GPR149: variants seen among roughly 807,000 people sequenced by gnomAD.
GPR149 encodes probable G protein-coupled receptor 149.
In GPR149, 50 loss-of-function variants were observed where a neutral mutation model predicts 50.2. The ratio of observed to expected loss-of-function variants is 1.00; its 90% CI spans 0.79 to 1.26. The LOEUF is 1.26. Ranked by LOEUF, GPR149 falls within the 50% of genes most tolerant of loss-of-function variation. The probability of loss-of-function intolerance (pLI) is 0.00; values close to 1 mark genes in which losing one functional copy is unlikely to be tolerated. For missense variants in GPR149, 983 were observed against 895.4 expected, an observed-to-expected ratio of 1.10 and a Z score of -1.25; for synonymous variants, 405 against 358.2, an observed-to-expected ratio of 1.13 and a Z score of -1.48.
chr3:154,383,882 C>G (rs544840288), intron 3 of GPR149, among the ~76,000 whole-genome samples: 2 of 152,012 alleles, frequency 1.3e-5, no homozygotes, highest in Non-Finnish European at 2.9e-5. Context: ...TACCATGCGA[C>G]GACACAGTGA....
chr3:154,414,548 C>A (rs1037990931), intron 3 of GPR149, among the ~76,000 whole-genome samples: 1 of 151,838 alleles, frequency 6.6e-6, no homozygotes, highest in Non-Finnish European at 1.5e-5. Flanking sequence ...TGTCTCTCCA[C>A]AAGACACTTA....
At chr3:154,339,667 A>G (rs1713740261) in intron 3 of GPR149, among the ~76,000 whole-genome samples, 2 of 152,054 alleles carry the variant, frequency 1.3e-5, no homozygotes, top group South Asian at 4.1e-4. Flanking sequence ...TGGACCCAAC[A>G]GTGGCTAGAC....
chr3:154,416,859 A>G (rs1712004839), intron 3 of GPR149, among the ~76,000 whole-genome samples: 1 of 151,980 alleles, frequency 6.6e-6, no homozygotes, highest in Non-Finnish European at 1.5e-5. Flanking sequence ...AGGACCTTGC[A>G]CCTTACAGAT....
intron 3 of GPR149, among the ~76,000 whole-genome samples, chr3:154,355,413 C>T (rs112672076): frequency 0.056 from 8,516 of 152,290 alleles, 327 homozygotes; most frequent in South Asian, 0.085. Flanking sequence ...ACAATCATCA[C>T]AGACTGCAAT....
intron 3 of GPR149, among the ~76,000 whole-genome samples, chr3:154,355,615 A>G (rs983441501): frequency 6.6e-6 from 1 of 152,254 alleles, no homozygotes; most frequent in Non-Finnish European, 1.5e-5. Context: ...CTAACAAAAT[A>G]AAAGAGGATA....
intron 3 of GPR149, among the ~76,000 whole-genome samples, chr3:154,418,288 C>T (rs1183851585): frequency 9.7e-6 from 1 of 102,762 alleles, no homozygotes; most frequent in Non-Finnish European, 2.0e-5. Flanking sequence ...CTAGAAATAC[C>T]ATTTGACCCA....
chr3:154,352,264 G>A, intron 3 of GPR149: 2 of 842,996 alleles, frequency 2.4e-6, no homozygotes, highest in East Asian at 5.0e-5. Flanking sequence ...CCACCAGATG[G>A]ACCACCTGAC....
chr3:154,374,101 A>G (rs896354841), intron 3 of GPR149, among the ~76,000 whole-genome samples: 5 of 151,754 alleles, frequency 3.3e-5, no homozygotes, highest in African/African-American at 1.2e-4. Flanking sequence ...GAGCTCAATC[A>G]TATATCTGAA....
intron 3 of GPR149, among the ~76,000 whole-genome samples, chr3:154,343,532 T>C (rs1171102946): frequency 1.3e-5 from 2 of 152,056 alleles, no homozygotes; most frequent in Non-Finnish European, 2.9e-5. Context: ...GGAGTATGTG[T>C]TGGGGTTTGT....
chr3:154,340,557 T>C (rs1231155948), intron 3 of GPR149, among the ~76,000 whole-genome samples: 1 of 152,192 alleles, frequency 6.6e-6, no homozygotes, highest in East Asian at 1.9e-4. Flanking sequence ...CCACAGATGA[T>C]TGGATGTAAA....
rs144635791 is a variant in GPR149 at position 154,368,588 on chromosome 3, G to A, written c.1624-30317C>T. Among the ~76,000 whole-genome samples, 185 of 152,308 alleles carry A rather than the reference G, an allele frequency of 1.2e-3. 2 individuals carry two copies. In the East Asian group the frequency reaches 0.03, roughly 24 times the overall value. On this transcript the variant is annotated intron_variant, in intron 3 of 3. Transcript: ENST00000389740. Reference sequence around the variant, plus strand: ...GTGCATGGGTACAGCTCTTAGAGCCGTTGAATTGCTATTTCAACCATTCAA... The same window carrying A: ...GTGCATGGGTACAGCTCTTAGAGCCATTGAATTGCTATTTCAACCATTCAA...
At chr3:154,359,347 A>G (rs1714325463) in intron 3 of GPR149, among the ~76,000 whole-genome samples, 2 of 152,204 alleles carry the variant, frequency 1.3e-5, no homozygotes, top group African/African-American at 4.8e-5. Flanking sequence ...AGGAAGTTAC[A>G]TGCTATTTGG....
At chr3:154,408,320 A>C (rs1231447314) in intron 3 of GPR149, among the ~76,000 whole-genome samples, 1 of 152,202 alleles carries the variant, frequency 6.6e-6, no homozygotes, top group Non-Finnish European at 1.5e-5. Context: ...AAGCCAAAAG[A>C]ATCCACAGAC....
chr3:154,424,919 A>G (rs139358310), intron 2 of GPR149, among the ~76,000 whole-genome samples: 150 of 151,900 alleles, frequency 9.9e-4, no homozygotes, highest in African/African-American at 3.4e-3. Context: ...TTTTTATACA[A>G]TGTGTTTGAC....
At position 154,349,012 on chromosome 3, in the gene GPR149, T is replaced by C. The variant is rs1287530961; in HGVS notation, c.1624-10741A>G. Among the ~76,000 whole-genome samples the C allele has an allele frequency of 2.0e-5, 3 of 151,830 alleles. No individual in the cohort carries two copies. In the East Asian group the frequency reaches 5.8e-4, roughly 29 times the overall value. On this transcript the variant is annotated intron_variant, in intron 3 of 3. Transcript: ENST00000389740. ...CTCCAAGCCCTTGGAAACTAAACACTTCTAAATCATCTAAGAGTTAAAAAG... is the reference window on the plus strand; with the variant it reads ...CTCCAAGCCCTTGGAAACTAAACACCTCTAAATCATCTAAGAGTTAAAAAG...
intron 3 of GPR149, among the ~76,000 whole-genome samples, chr3:154,351,311 T>TGCAAAA (rs1341107044): frequency 0.018 from 354 of 19,650 alleles, 76 homozygotes; most frequent in Middle Eastern, 0.05. Flanking sequence ...GACATCCACA[T>TGCAAAA]ACAAAAAAAA....
At chr3:154,420,282 G>C (rs1360479934) in intron 3 of GPR149, among the ~76,000 whole-genome samples, 1 of 151,916 alleles carries the variant, frequency 6.6e-6, no homozygotes, top group Non-Finnish European at 1.5e-5. Flanking sequence ...AGGGCAACTT[G>C]ATTATCACAT....
intron 3 of GPR149, among the ~76,000 whole-genome samples, chr3:154,365,853 A>G (rs768878075): frequency 2.0e-5 from 3 of 152,298 alleles, no homozygotes; most frequent in Non-Finnish European, 4.4e-5. Flanking sequence ...CAGTCTGTTC[A>G]TGACCACTTA....
chr3:154,367,094 A>G (rs987914712), intron 3 of GPR149, among the ~76,000 whole-genome samples: 3 of 152,182 alleles, frequency 2.0e-5, no homozygotes, highest in African/African-American at 7.2e-5. Flanking sequence ...TGGAGACTAC[A>G]CGCTGCTTCT....
Sources: gnomAD v4.1 joint callset for allele counts (sites outside exome capture counted in the v4.1 genomes callset) on GRCh38, gnomAD v4.1.1 for gene constraint, MANE v1.5 for transcripts, NCBI Gene and HGNC (gene_info 2026-07-23, HGNC 2026-07-21) for gene names.